The following NAALADL2 variants were observed in gnomAD, a reference collection of about 807,000 sequenced individuals.
The protein encoded by NAALADL2 is N-acetylated alpha-linked acidic dipeptidase like 2.
Under a neutral mutation model 87.2 loss-of-function variants are expected in NAALADL2, and 76 were observed. The observed-to-expected ratio is 0.87, with a 90% CI of 0.72 to 1.05. The LOEUF (loss-of-function observed/expected upper bound fraction) is 1.05. Among genes scored for constraint, NAALADL2 ranks in the 50% least tolerant of loss-of-function variants. NAALADL2 has a pLI of 0.00. For missense variants in NAALADL2, 1,089 were observed against 945.8 expected (o/e 1.15, Z -1.99); for synonymous variants, 354 against 331.0 (o/e 1.07, Z -0.75).
chr3:174,977,490 T>C (rs1021562682), intron 1 of NAALADL2, among the ~76,000 whole-genome samples: 4 of 152,348 alleles, frequency 2.6e-5, no homozygotes, highest in South Asian at 4.1e-4. Context: ...TATAAATTAG[T>C]GTGGTTGAAA....
chr3:175,660,420 T>A (rs1732096951), intron 11 of NAALADL2, among the ~76,000 whole-genome samples: 1 of 152,198 alleles, frequency 6.6e-6, no homozygotes, highest in Non-Finnish European at 1.5e-5. Context: ...ATACACGTGA[T>A]GTTTTGATAC....
At chr3:174,957,394 G>A (rs2902087) in intron 1 of NAALADL2, among the ~76,000 whole-genome samples, 61,081 of 151,858 alleles carry the variant, frequency 0.4, 14,076 homozygotes, top group Non-Finnish European at 0.54. Context: ...ACAGAAAGGT[G>A]ACAAGCTTGT....
At chr3:175,028,772 CT>C (rs1339954562) in intron 1 of NAALADL2, among the ~76,000 whole-genome samples, 2 of 151,626 alleles carry the variant, frequency 1.3e-5, no homozygotes, top group Non-Finnish European at 2.9e-5. Flanking sequence ...CCTCTCAATA[CT>C]TTTTTTAGAA....
rs7612262 is a variant in NAALADL2, at chr3:175,028,733, A to T, written c.44-68057A>T. ...AAATTATCAAAAAAAGATATATTTC[A>T]GGATCTAAATGAATATAATACTATT... On this transcript the variant is annotated intron_variant, in intron 1 of 13. Transcript: ENST00000454872. 3.9e-5 allele frequency among the ~76,000 whole-genome samples: 6 copies of T among 151,948 alleles called. No individual in the cohort carries two copies. The East Asian group carries it at 9.7e-4, about 25-fold the overall frequency.
intron 2 of NAALADL2, among the ~76,000 whole-genome samples, chr3:174,558,262 C>A (rs28864815): frequency 6.6e-6 from 1 of 152,024 alleles, no homozygotes; most frequent in Non-Finnish European, 1.5e-5. Context: ...ATTTCTACTG[C>A]GCTTGTTTCC....
In NAALADL2 at chr3:175,089,350, G is replaced by C. The variant is rs1719648364; in HGVS notation, c.44-7440G>C. 2.0e-5 allele frequency among the ~76,000 whole-genome samples: 3 copies of C among 152,100 alleles called. No individual in the cohort carries two copies. In the South Asian group the frequency reaches 6.2e-4, roughly 31 times the overall value. ...CATTTGCTAACATCATGCTAACTCT[G>C]GGAACTCTTAGAAAGCCTGGATGTT... On this transcript the variant is annotated intron_variant, in intron 1 of 13. Coordinates refer to ENST00000454872, the MANE Select transcript of NAALADL2 (RefSeq NM_207015.3).
At chr3:175,223,128 G>GTGTGTC (rs1310819551) in intron 2 of NAALADL2, among the ~76,000 whole-genome samples, 1 of 140,276 alleles carries the variant, frequency 7.1e-6, no homozygotes, top group African/African-American at 2.5e-5. Flanking sequence ...GTGTGTGTGT[G>GTGTGTC]TGTGGTAAGG....
At chr3:175,526,060 C>T (rs766302584) in intron 9 of NAALADL2, among the ~76,000 whole-genome samples, 4 of 152,082 alleles carry the variant, frequency 2.6e-5, no homozygotes, top group South Asian at 2.1e-4. Context: ...ATCTACAATT[C>T]GCAACCAGTA....
At chr3:174,795,122 G>A (rs1717936070) in intron 3 of NAALADL2, among the ~76,000 whole-genome samples, 2 of 150,736 alleles carry the variant, frequency 1.3e-5, no homozygotes, top group South Asian at 4.2e-4. Flanking sequence ...CTCCCGAGTA[G>A]CTGGGATTAC....
chr3:175,437,546 A>C (rs551250362), intron 5 of NAALADL2, among the ~76,000 whole-genome samples: 2 of 145,088 alleles, frequency 1.4e-5, no homozygotes, highest in South Asian at 4.6e-4. Context: ...TACAGATTCA[A>C]TGCCATCCCC....
intron 1 of NAALADL2, among the ~76,000 whole-genome samples, chr3:175,034,364 T>C (rs2108930439): frequency 6.6e-6 from 1 of 152,280 alleles, no homozygotes; most frequent in East Asian, 1.9e-4. Flanking sequence ...CTTAATTTGT[T>C]TGTGCTCAAG....
intron 3 of NAALADL2, among the ~76,000 whole-genome samples, chr3:174,835,618 T>C (rs1723241034): frequency 6.6e-6 from 1 of 152,158 alleles, no homozygotes; most frequent in Non-Finnish European, 1.5e-5. Context: ...CAGAGGTTAA[T>C]ATCTAGAATA....
intron 5 of NAALADL2, among the ~76,000 whole-genome samples, chr3:175,437,827 G>A (rs1355981119): frequency 1.3e-5 from 2 of 152,020 alleles, no homozygotes; most frequent in African/African-American, 4.8e-5. Context: ...TTTAGTATCA[G>A]AATGCATATT....
chr3:174,787,606 T>TACATATATATATATATACAC (rs1421475298), intron 3 of NAALADL2, among the ~76,000 whole-genome samples: 3 of 104,828 alleles, frequency 2.9e-5, no homozygotes, highest in Non-Finnish European at 4.2e-5. Flanking sequence ...TATATATATA[T>TACATATATATATATATACAC]ATATATATAT....
intron 5 of NAALADL2, among the ~76,000 whole-genome samples, chr3:175,432,652 G>A (rs576243421): frequency 6.6e-6 from 1 of 152,098 alleles, no homozygotes; most frequent in South Asian, 2.1e-4. Flanking sequence ...TTTCTGTAGA[G>A]TTCGAAACAT....
chr3:174,472,914 G>A (rs1425483047), intron 1 of NAALADL2, among the ~76,000 whole-genome samples: 2 of 151,914 alleles, frequency 1.3e-5, no homozygotes, highest in Non-Finnish European at 2.9e-5. Context: ...GTATCATTAC[G>A]TTCAATGAGT....
intron 11 of NAALADL2, among the ~76,000 whole-genome samples, chr3:175,661,235 C>T (rs958378710): frequency 6.6e-6 from 1 of 151,728 alleles, no homozygotes. Flanking sequence ...TTTGCATTTT[C>T]CTGTTGATTG....
intron 1 of NAALADL2, among the ~76,000 whole-genome samples, chr3:174,909,671 C>T (rs1453215697): frequency 6.6e-6 from 1 of 152,102 alleles, no homozygotes; most frequent in Non-Finnish European, 1.5e-5. Flanking sequence ...CACGTTCTAG[C>T]TATGGCACTT....
intron 4 of NAALADL2, among the ~76,000 whole-genome samples, chr3:175,261,466 G>A (rs971883308): frequency 7.9e-5 from 12 of 152,018 alleles, no homozygotes; most frequent in African/African-American, 2.4e-4. Context: ...CCCCTTTCCT[G>A]TAGAAGCCAA....
Sources: gnomAD v4.1 joint callset for allele counts (sites outside exome capture counted in the v4.1 genomes callset) on GRCh38, gnomAD v4.1.1 for gene constraint, MANE v1.5 for transcripts, NCBI Gene and HGNC (gene_info 2026-07-23, HGNC 2026-07-21) for gene names.